The following PCDHA10 variants were observed in gnomAD, a reference collection of about 807,000 sequenced individuals.
PCDHA10 encodes the protein protocadherin alpha 10, also known as protocadherin alpha-10.
A neutral mutation model predicts 61.2 loss-of-function variants in PCDHA10; 45 were observed. The ratio of observed to expected loss-of-function variants is 0.74; its 90% CI spans 0.58 to 0.94. The LOEUF (loss-of-function observed/expected upper bound fraction) is 0.94. Among genes scored for constraint, PCDHA10 ranks in the 40% least tolerant of loss-of-function variants. PCDHA10 has a pLI of 0.00. For missense variants in PCDHA10, 1,278 were observed against 1,236.2 expected, an observed-to-expected ratio of 1.03 and a Z score of -0.51; for synonymous variants, 602 against 548.8, an observed-to-expected ratio of 1.10 and a Z score of -1.35.
At position 140,878,967 on chromosome 5, in the gene PCDHA10, C is replaced by T. The variant is rs562198206; in HGVS notation, c.2388+20531C>T. On this transcript the variant is annotated intron_variant, in intron 1 of 3. Coordinates refer to ENST00000307360, the MANE Select transcript of PCDHA10 (RefSeq NM_018901.4). ...ATGGTATTGAAATGTATTACCTGGA[C>T]ATTCCCCTCTATCTTAGAAATGAGA... Among the ~76,000 whole-genome samples, 52 of 152,298 alleles carry T rather than the reference C, an allele frequency of 3.4e-4. No individual in the cohort carries two copies. The South Asian group carries it at 0.01, about 30-fold the overall frequency.
intron 1 of PCDHA10, chr5:140,875,158 AC>A: frequency 3.0e-6 from 1 of 338,826 alleles, no homozygotes; most frequent in East Asian, 5.5e-5. Flanking sequence ...GTGAAAAATA[AC>A]CCAAAGTCGA....
At chr5:140,945,527 C>A (rs1268496424) in intron 1 of PCDHA10, among the ~76,000 whole-genome samples, 2 of 151,828 alleles carry the variant, frequency 1.3e-5, no homozygotes, top group African/African-American at 4.8e-5. Context: ...ATAAATAAAA[C>A]AAAACATACA....
At chr5:140,889,054 T>C in intron 1 of PCDHA10, among the ~76,000 whole-genome samples, 1 of 152,100 alleles carries the variant, frequency 6.6e-6, no homozygotes, top group Non-Finnish European at 1.5e-5. Flanking sequence ...TTTATAATCC[T>C]TTTAATATAC....
At chr5:140,883,333 G>T (rs1554177722) in intron 1 of PCDHA10, 1 of 1,614,066 alleles carries the variant, frequency 6.2e-7, no homozygotes, top group Non-Finnish European at 8.5e-7. Flanking sequence ...TCACTTCTTT[G>T]TCACTCCCCA....
intron 3 of PCDHA10, among the ~76,000 whole-genome samples, chr5:141,006,271 G>T (rs2098264486): frequency 6.6e-6 from 1 of 151,918 alleles, no homozygotes; most frequent in Non-Finnish European, 1.5e-5. Context: ...GACTGCAGTG[G>T]CACGATCTCA....
Position 141,011,847 on chromosome 5 carries a change from T to C in PCDHA10, c.*1910T>C, listed in dbSNP as rs745912784. 2.0e-5 allele frequency: 3 copies of C among 153,780 alleles called. No individual in the cohort carries two copies. Among genetic ancestry groups the C allele is most frequent in the Non-Finnish European group, 4.4e-5 (3 of 68,052 alleles). The allele number at this position is 153,780 out of a possible 1,614,324, so 9.5% of individuals were successfully genotyped here. ...ATTTGCTGTCACCTTAAATAAGACA[T>C]TTTAATTTTGTTATAATGTACAATT... On this transcript the variant is annotated 3_prime_UTR_variant, in exon 4 of 4. Coordinates refer to ENST00000307360, the MANE Select transcript of PCDHA10 (RefSeq NM_018901.4).
intron 1 of PCDHA10, chr5:140,969,383 C>G: frequency 6.3e-7 from 1 of 1,597,986 alleles, no homozygotes; most frequent in Non-Finnish European, 8.5e-7. Context: ...TGTTACACAT[C>G]CCCCAATATC....
chr5:140,929,164 GC>G (rs781931769), intron 1 of PCDHA10: 2 of 1,614,150 alleles, frequency 1.2e-6, no homozygotes, highest in Non-Finnish European at 1.7e-6. Context: ...TCTCTATCGG[GC>G]CTCTCTGGGA....
intron 1 of PCDHA10, among the ~76,000 whole-genome samples, chr5:140,923,304 G>A (rs933906504): frequency 6.6e-6 from 1 of 152,172 alleles, no homozygotes; most frequent in African/African-American, 2.4e-5. Context: ...TGGGCGTGGG[G>A]GCGCTTGGCC....
In PCDHA10 at chr5:140,974,947, C is replaced by T. The variant is rs145175873; in HGVS notation, c.2389-4002C>T. On this transcript the variant is annotated intron_variant, in intron 1 of 3. Coordinates refer to ENST00000307360, the MANE Select transcript of PCDHA10 (RefSeq NM_018901.4). ...GTTTAAAACACCACCTATTTGTTAT[C>T]TCACAGTCCTGTACCATGTGGCTGA... is the stretch of plus-strand genomic sequence containing the variant. 2.7e-3 allele frequency among the ~76,000 whole-genome samples: 417 copies of T among 152,322 alleles called. 3 individuals carry two copies. The highest frequency in any genetic ancestry group is 2.1e-3 in the Non-Finnish European group (142 of 68,022).
intron 1 of PCDHA10, chr5:140,927,071 GCCA>G (rs2083808355): frequency 4.3e-6 from 7 of 1,610,970 alleles, no homozygotes; most frequent in Non-Finnish European, 5.9e-6. Flanking sequence ...TTCCTTTCCA[GCCA>G]CCGCGAGCTC....
intron 1 of PCDHA10, chr5:140,966,920 C>A: frequency 6.2e-7 from 1 of 1,602,672 alleles, no homozygotes; most frequent in South Asian, 1.1e-5. Flanking sequence ...GCCAGAGGAG[C>A]AGGCACCCGG....
chr5:140,890,045 T>C (rs1192229071), intron 1 of PCDHA10, among the ~76,000 whole-genome samples: 1 of 152,206 alleles, frequency 6.6e-6, no homozygotes, highest in African/African-American at 2.4e-5. Context: ...TGTAGTGTGT[T>C]GGAGCTGGCT....
chr5:140,899,230 G>A (rs1487839667), intron 1 of PCDHA10, among the ~76,000 whole-genome samples: 4 of 152,058 alleles, frequency 2.6e-5, no homozygotes, highest in Admixed American at 6.5e-5. Flanking sequence ...ACACTATGTT[G>A]AATAGGAGTG....
Position 140,869,807 on chromosome 5 carries a change from T to C in PCDHA10, c.2388+11371T>C, listed in dbSNP as rs545569437. ...CGGCTGTTAGTCCAAGTCTTGGATGTCAACGACAATGATCCAGAGTTTGAT... is the reference window on the plus strand; with the variant it reads ...CGGCTGTTAGTCCAAGTCTTGGATGCCAACGACAATGATCCAGAGTTTGAT... On this transcript the variant is annotated intron_variant, in intron 1 of 3. Transcript: ENST00000307360. 8.1e-6 allele frequency: 13 copies of C among 1,612,544 alleles called. No individual in the cohort carries two copies. In the African/African-American group the frequency reaches 1.6e-4, roughly 20 times the overall value.
In PCDHA10 at chr5:140,927,920, T is replaced by C. The variant is rs782193396; in HGVS notation, c.2389-51029T>C. Reference sequence around the variant, plus strand: ...GATCATGCCCCCGAACTGGACTTCCTGACTCTTTCGAACCCAGTACCTGAG... The same window carrying C: ...GATCATGCCCCCGAACTGGACTTCCCGACTCTTTCGAACCCAGTACCTGAG... On this transcript the variant is annotated intron_variant, in intron 1 of 3. Transcript: ENST00000307360. 6.2e-6 allele frequency: 10 copies of C among 1,614,120 alleles called. No individual in the cohort carries two copies. In the South Asian group the frequency reaches 1.1e-4, roughly 18 times the overall value.
At chr5:140,968,697 C>G in intron 1 of PCDHA10, 2 of 1,614,144 alleles carry the variant, frequency 1.2e-6, no homozygotes, top group South Asian at 2.2e-5. Flanking sequence ...GAAATTAGGA[C>G]TACCAGGAAG....
At chr5:140,876,169 C>G in intron 1 of PCDHA10, 1 of 1,613,916 alleles carries the variant, frequency 6.2e-7, no homozygotes, top group African/African-American at 1.3e-5. Context: ...AATAACCGTC[C>G]TGGATGTGAA....
chr5:140,970,425 C>T (rs1554232453), intron 1 of PCDHA10, among the ~76,000 whole-genome samples: 1 of 151,722 alleles, frequency 6.6e-6, no homozygotes, highest in Non-Finnish European at 1.5e-5. Flanking sequence ...GGTGTAGAGG[C>T]AGGTGTTAGT....
Sources: allele counts gnomAD v4.1 joint callset (sites outside exome capture counted in the v4.1 genomes callset), GRCh38; gene constraint gnomAD v4.1.1; transcripts MANE v1.5; gene names NCBI Gene and HGNC (gene_info 2026-07-23, HGNC 2026-07-21).